The following PDE3A variants were observed in gnomAD, a reference collection of about 807,000 sequenced individuals.
PDE3A encodes the protein phosphodiesterase 3A.
In PDE3A, 43 loss-of-function variants were observed where a neutral mutation model predicts 98.3. That is an observed-to-expected ratio of 0.44 (90% CI 0.34 to 0.56). The LOEUF (loss-of-function observed/expected upper bound fraction) is 0.56, where lower values mean the gene tolerates loss of function less well. Among genes scored for constraint, PDE3A ranks in the 20% least tolerant of loss-of-function variants. The pLI is 0.01. For missense variants in PDE3A, 1,427 were observed against 1,440.7 expected (o/e 0.99, Z 0.15); for synonymous variants, 663 against 567.9 (o/e 1.17, Z -2.38).
At chr12:20,615,832 T>C (rs1006172192) in intron 3 of PDE3A, among the ~76,000 whole-genome samples, 3 of 152,068 alleles carry the variant, frequency 2.0e-5, no homozygotes, top group Non-Finnish European at 4.4e-5. Flanking sequence ...CTCAAGTGAC[T>C]CTCCTGCCTC....
intron 1 of PDE3A, among the ~76,000 whole-genome samples, chr12:20,476,237 C>T (rs994571209): frequency 4.6e-5 from 7 of 152,118 alleles, no homozygotes; most frequent in African/African-American, 7.2e-5. Context: ...ACTAATGTTA[C>T]GAAGTTATTG....
intron 1 of PDE3A, among the ~76,000 whole-genome samples, chr12:20,445,043 C>T (rs12314390): frequency 0.095 from 14,447 of 152,178 alleles, 968 homozygotes; most frequent in African/African-American, 0.17. Flanking sequence ...TCAAATCCAT[C>T]GCCACTGCTA....
At chr12:20,522,926 G>A (rs539759160) in intron 1 of PDE3A, among the ~76,000 whole-genome samples, 7 of 152,150 alleles carry the variant, frequency 4.6e-5, no homozygotes, top group Admixed American at 3.9e-4. Flanking sequence ...TCATGGGGAA[G>A]GTTGGCACTG....
At chr12:20,559,211 T>G (rs2121278674) in intron 2 of PDE3A, among the ~76,000 whole-genome samples, 1 of 152,190 alleles carries the variant, frequency 6.6e-6, no homozygotes. Context: ...TGCCTACATT[T>G]TTCAGTACAG....
intron 6 of PDE3A, among the ~76,000 whole-genome samples, chr12:20,631,946 TC>T (rs34618315): frequency 0.78 from 118,050 of 151,950 alleles, 46,035 homozygotes; most frequent in East Asian, 0.94. Flanking sequence ...TGTTGTGGTT[TC>T]CCCCTGCTGA....
chr12:20,409,490 T>C (rs923015363), intron 1 of PDE3A, among the ~76,000 whole-genome samples: 1 of 152,184 alleles, frequency 6.6e-6, no homozygotes, highest in East Asian at 1.9e-4. Context: ...AACATTTTCT[T>C]TCAGAAATGA....
Position 20,369,800 on chromosome 12 carries a change from G to A in PDE3A, c.516G>A (p.Ala172=). 2.5e-6 allele frequency: 4 copies of A among 1,612,430 alleles called. No homozygotes were observed. The highest frequency in any genetic ancestry group is 2.2e-5 in the East Asian group (1 of 44,790). Residue 172 remains alanine, a synonymous_variant, in exon 1 of 16, where the codon GCG becomes GCA. Transcript: ENST00000359062. ...ALLAACCGGE[A]LVQIGLGVGE... ...TGGCCGCCTGCTGCGGGGGGGAAGC[G>A]CTCGTCCAGATTGGGCTGGGCGTCG...
At chr12:20,619,902 C>T (rs1441664300) in intron 4 of PDE3A, among the ~76,000 whole-genome samples, 1 of 151,946 alleles carries the variant, frequency 6.6e-6, no homozygotes, top group African/African-American at 2.4e-5. Flanking sequence ...GTCAAATTGA[C>T]CTCAACACAA....
At chr12:20,622,022 A>C (rs1177980732) in intron 5 of PDE3A, among the ~76,000 whole-genome samples, 1 of 152,078 alleles carries the variant, frequency 6.6e-6, no homozygotes, top group Non-Finnish European at 1.5e-5. Flanking sequence ...CCTTTTTGGA[A>C]TCTAACTTCA....
intron 9 of PDE3A, among the ~76,000 whole-genome samples, chr12:20,638,013 A>G (rs1944558599): frequency 2.0e-5 from 3 of 152,194 alleles, no homozygotes; most frequent in Admixed American, 6.5e-5. Context: ...ATAAATTTGA[A>G]TAAGTATCAC....
intron 13 of PDE3A, among the ~76,000 whole-genome samples, chr12:20,649,564 A>G (rs1944867286): frequency 6.6e-6 from 1 of 152,220 alleles, no homozygotes; most frequent in South Asian, 2.1e-4. Flanking sequence ...TTTATACCTC[A>G]AAAGTAAATG....
At chr12:20,514,397 C>T (rs538244573) in intron 1 of PDE3A, among the ~76,000 whole-genome samples, 9 of 152,288 alleles carry the variant, frequency 5.9e-5, no homozygotes, top group Middle Eastern at 3.4e-3. Context: ...CAAATCCATG[C>T]ATCACATGTG....
chr12:20,581,245 C>G (rs1336172959), intron 2 of PDE3A, among the ~76,000 whole-genome samples: 1 of 152,138 alleles, frequency 6.6e-6, no homozygotes, highest in African/African-American at 2.4e-5. Context: ...CGGGTAAAAA[C>G]TTAATGCCAA....
chr12:20,642,246 G>A (rs1406520102), intron 10 of PDE3A, among the ~76,000 whole-genome samples: 2 of 152,020 alleles, frequency 1.3e-5, no homozygotes, highest in Admixed American at 6.6e-5. Context: ...AGAAAAGAGG[G>A]TAAGTAGGAA....
chr12:20,507,263 G>C (rs1333891748), intron 1 of PDE3A, among the ~76,000 whole-genome samples: 1 of 151,948 alleles, frequency 6.6e-6, no homozygotes, highest in East Asian at 1.9e-4. Context: ...TACCATAAAG[G>C]AAGTTGGTTA....
intron 2 of PDE3A, among the ~76,000 whole-genome samples, chr12:20,565,688 T>A (rs931335051): frequency 1.3e-5 from 2 of 151,984 alleles, no homozygotes; most frequent in East Asian, 3.8e-4. Context: ...CATTTTCATA[T>A]ACTACCAAAA....
intron 1 of PDE3A, among the ~76,000 whole-genome samples, chr12:20,410,392 C>G (rs1353106728): frequency 6.6e-6 from 1 of 152,148 alleles, no homozygotes. Context: ...CAGAGAAAGT[C>G]AATTCACAGA....
In PDE3A at chr12:20,681,670, C is replaced by T. The variant is rs1000613030; in HGVS notation, c.*1399C>T. On this transcript the variant is annotated 3_prime_UTR_variant, in exon 16 of 16. Transcript: ENST00000359062. Reference sequence around the variant, plus strand: ...CATTGTCAGTCATGCTTCTTCTGGCCGGGGAGATTATAGAGAGATTGTTTG... The same window carrying T: ...CATTGTCAGTCATGCTTCTTCTGGCTGGGGAGATTATAGAGAGATTGTTTG... 5 of 151,978 alleles carry T rather than the reference C, an allele frequency of 3.3e-5. No homozygotes were observed. The highest frequency in any genetic ancestry group is 1.9e-4 in the East Asian group (1 of 5,162). The allele number at this position is 151,978 out of a possible 1,614,324, so 9.4% of individuals were successfully genotyped here. A position where few individuals can be genotyped will look rare whatever the true frequency, so the allele number is the denominator to read the frequency against.
chr12:20,614,427 T>C (rs1456049188), intron 3 of PDE3A, among the ~76,000 whole-genome samples: 1 of 152,150 alleles, frequency 6.6e-6, no homozygotes, highest in Admixed American at 6.5e-5. Context: ...ATTTATTTAG[T>C]AAACAATCAG....
Sources: allele counts gnomAD v4.1 joint callset (sites outside exome capture counted in the v4.1 genomes callset), GRCh38; gene constraint gnomAD v4.1.1; transcripts MANE v1.5; gene names NCBI Gene and HGNC (gene_info 2026-07-23, HGNC 2026-07-21).